The following SPMIP4 variants were observed in gnomAD, a reference collection of about 807,000 sequenced individuals.
SPMIP4 encodes sperm-associated microtubule inner protein 4.
the SPMIP4 span, among the ~76,000 whole-genome samples, chr7:25,129,279 C>T: frequency 6.6e-6 from 1 of 152,222 alleles, no homozygotes; most frequent in East Asian, 1.9e-4. Flanking sequence ...CTTTAGCCCA[C>T]GGTAGCTGGG....
At chr7:25,142,439 C>A in the SPMIP4 span, 3 of 947,878 alleles carry the variant, frequency 3.2e-6, no homozygotes, top group South Asian at 1.8e-5. Flanking sequence ...ATAATTAGAA[C>A]CAATAAAATG....
the SPMIP4 span, among the ~76,000 whole-genome samples, chr7:25,165,604 T>G: frequency 6.6e-6 from 1 of 152,156 alleles, no homozygotes; most frequent in East Asian, 1.9e-4. Context: ...CACCTTGGCC[T>G]CCCAAGGTGC....
chr7:25,175,575 T>A, the SPMIP4 span, among the ~76,000 whole-genome samples: 4 of 152,338 alleles, frequency 2.6e-5, no homozygotes, highest in African/African-American at 9.6e-5. Context: ...AAGTTGTACC[T>A]GGATACATCA....
the SPMIP4 span, chr7:25,126,105 A>G: frequency 0.32 from 62,300 of 192,746 alleles, 11,713 homozygotes; most frequent in South Asian, 0.42. Flanking sequence ...ACAGGCATAC[A>G]ATGTATAATA....
the SPMIP4 span, among the ~76,000 whole-genome samples, chr7:25,164,939 G>C: frequency 6.6e-6 from 1 of 152,220 alleles, no homozygotes; most frequent in Non-Finnish European, 1.5e-5. Context: ...CCTCCAGGTT[G>C]CTGTGAATGC....
At chr7:25,157,969 C>T in the SPMIP4 span, among the ~76,000 whole-genome samples, 10 of 152,086 alleles carry the variant, frequency 6.6e-5, no homozygotes, top group South Asian at 2.1e-4. Flanking sequence ...TAAAATTATA[C>T]GAAAATAAAA....
chr7:25,136,315 ATAT>A, the SPMIP4 span: 3 of 1,614,216 alleles, frequency 1.9e-6, no homozygotes, highest in Admixed American at 1.7e-5. The surrounding 1 kb of genome is among the most constrained non-coding windows in gnomAD (Gnocchi z 5.7). Flanking sequence ...GTCTGGACAC[ATAT>A]TATACTGATC....
the SPMIP4 span, chr7:25,161,305 C>T: frequency 4.5e-6 from 5 of 1,100,428 alleles, no homozygotes; most frequent in Non-Finnish European, 6.6e-6. Context: ...TTAAAATTAA[C>T]ACAATATAAT....
the SPMIP4 span, among the ~76,000 whole-genome samples, chr7:25,130,216 C>A: frequency 6.6e-6 from 1 of 151,292 alleles, no homozygotes; most frequent in Non-Finnish European, 1.5e-5. Context: ...TGCGCTCCAA[C>A]CTGGGCGACA....
chr7:25,136,201 T>A, the SPMIP4 span: 3 of 1,614,224 alleles, frequency 1.9e-6, no homozygotes, highest in East Asian at 6.7e-5. The surrounding 1 kb of genome is among the most constrained non-coding windows in gnomAD (Gnocchi z 5.7). Flanking sequence ...GTTTTCCATA[T>A]TCAAGAACAA....
chr7:25,179,091 A>C, the SPMIP4 span: 1 of 1,378,130 alleles, frequency 7.3e-7, no homozygotes, highest in Non-Finnish European at 9.8e-7. Context: ...CCCCAGAACA[A>C]TAAATGTTTT....
chr7:25,135,176 T>C, the SPMIP4 span: 2 of 433,662 alleles, frequency 4.6e-6, no homozygotes, highest in African/African-American at 2.2e-5. Flanking sequence ...GAAATGAAGA[T>C]TTGGGGCTCT....
chr7:25,166,230 C>CTTTTTTTTTTTTTTTTTTTTTTTTTTTTT, the SPMIP4 span, among the ~76,000 whole-genome samples: 1 of 69,230 alleles, frequency 1.4e-5, no homozygotes. Context: ...TTCTTTCCGT[C>CTTTTTTTTTTTTTTTTTTTTTTTTTTTTT]TTCTTTTTTT....
At chr7:25,155,235 A>G in the SPMIP4 span, 1 of 1,483,920 alleles carries the variant, frequency 6.7e-7, no homozygotes, top group Non-Finnish European at 9.0e-7. Context: ...AAAGAACAGA[A>G]AGAAGTATGG....
the SPMIP4 span, chr7:25,168,577 T>A: frequency 2.3e-6 from 2 of 882,150 alleles, no homozygotes; most frequent in Non-Finnish European, 3.4e-6. Flanking sequence ...AGATTAAATC[T>A]TCAGAACACA....
the SPMIP4 span, among the ~76,000 whole-genome samples, chr7:25,148,664 A>G: frequency 6.6e-6 from 1 of 152,052 alleles, no homozygotes; most frequent in Non-Finnish European, 1.5e-5. Flanking sequence ...TAGTAGAGTC[A>G]GTGTTCCGCC....
chr7:25,171,099 C>G, the SPMIP4 span, among the ~76,000 whole-genome samples: 6 of 152,208 alleles, frequency 3.9e-5, no homozygotes, highest in Non-Finnish European at 8.8e-5. Flanking sequence ...GTTTTAGAAG[C>G]ACTATTCTAT....
At chr7:25,130,338 G>A in the SPMIP4 span, among the ~76,000 whole-genome samples, 1 of 146,052 alleles carries the variant, frequency 6.8e-6, no homozygotes, top group Admixed American at 6.8e-5. Context: ...TTGAGACGGA[G>A]TTTCGCTCTT....
chr7:25,151,787 G>A, the SPMIP4 span: 3 of 605,302 alleles, frequency 5.0e-6, no homozygotes, highest in East Asian at 3.0e-5. Flanking sequence ...GGATGTTGGT[G>A]TACATTTTAC....
Sources: gnomAD v4.1 joint callset for allele counts (sites outside exome capture counted in the v4.1 genomes callset) on GRCh38, gnomAD v4.1.1 for gene constraint, Gnocchi (gnomAD v3.1) non-coding constraint, MANE v1.5 for transcripts, NCBI Gene and HGNC (gene_info 2026-07-23, HGNC 2026-07-21) for gene names.